Variants in LARGE1 observed in about 807,000 individuals in gnomAD.
The protein encoded by LARGE1 is xylosyl- and glucuronyltransferase LARGE1.
A neutral mutation model predicts 87.6 loss-of-function variants in LARGE1; 43 were observed. The ratio of observed to expected loss-of-function variants is 0.49; its 90% CI spans 0.38 to 0.63. The LOEUF (loss-of-function observed/expected upper bound fraction) is 0.63. Ranked by LOEUF, LARGE1 falls within the 30% of genes least tolerant of loss-of-function variation. The pLI, the probability that LARGE1 is intolerant of heterozygous loss-of-function variation, is 0.00. For missense variants in LARGE1, 802 were observed against 1,000.2 expected (o/e 0.80, Z 2.67); for synonymous variants, 434 against 394.6 (o/e 1.10, Z -1.18).
chr22:33,742,400 GA>G (rs967392975), intron 2 of LARGE1, among the ~76,000 whole-genome samples: 2 of 152,148 alleles, frequency 1.3e-5, no homozygotes, highest in Non-Finnish European at 1.5e-5. Flanking sequence ...TAAAGGAGGC[GA>G]TCACTCACTC....
chr22:33,761,107 G>T (rs774877903), intron 2 of LARGE1, among the ~76,000 whole-genome samples: 1 of 151,812 alleles, frequency 6.6e-6, no homozygotes, highest in Non-Finnish European at 1.5e-5. Flanking sequence ...TCCCATTATC[G>T]ACAAAGTAAT....
chr22:33,692,653 T>G (rs1479533579), intron 2 of LARGE1, among the ~76,000 whole-genome samples: 1 of 152,216 alleles, frequency 6.6e-6, no homozygotes, highest in Admixed American at 6.5e-5. Context: ...TGCTGATGCT[T>G]AAGGTTTTCA....
intron 1 of LARGE1, among the ~76,000 whole-genome samples, chr22:33,773,404 T>A (rs1285117148): frequency 6.6e-6 from 1 of 152,240 alleles, no homozygotes; most frequent in African/African-American, 2.4e-5. Context: ...TTGATCCTGC[T>A]GCGAAGTCAA....
intron 1 of LARGE1, among the ~76,000 whole-genome samples, chr22:33,838,873 A>G (rs1242630542): frequency 6.6e-6 from 1 of 152,084 alleles, no homozygotes; most frequent in South Asian, 2.1e-4. Context: ...TTTTTTGTTT[A>G]TATCAGGGAG....
chr22:33,755,377 T>A (rs760557435), intron 2 of LARGE1, among the ~76,000 whole-genome samples: 1 of 152,154 alleles, frequency 6.6e-6, no homozygotes, highest in Non-Finnish European at 1.5e-5. Context: ...TCCCTGACAA[T>A]GGGAAACCTT....
intron 11 of LARGE1, among the ~76,000 whole-genome samples, chr22:33,247,782 A>G (rs1926832963): frequency 6.6e-6 from 1 of 152,240 alleles, no homozygotes; most frequent in South Asian, 2.1e-4. Flanking sequence ...GCCCGGACAT[A>G]TATCTCAAGC....
At chr22:33,305,092 A>G (rs12158355) in intron 11 of LARGE1, among the ~76,000 whole-genome samples, 80,680 of 152,060 alleles carry the variant, frequency 0.53, 23,043 homozygotes, top group African/African-American at 0.75. Context: ...CGTATGTTCA[A>G]TCAGCTTGGC....
At chr22:33,799,611 T>A (rs2086097064) in intron 1 of LARGE1, among the ~76,000 whole-genome samples, 1 of 152,082 alleles carries the variant, frequency 6.6e-6, no homozygotes, top group African/African-American at 2.4e-5. Flanking sequence ...CGGCTAATTT[T>A]AAGTAGAGAC....
intron 6 of LARGE1, among the ~76,000 whole-genome samples, chr22:33,552,848 A>C (rs62227064): frequency 6.6e-6 from 1 of 152,172 alleles, no homozygotes; most frequent in Non-Finnish European, 1.5e-5. Context: ...ATGACAAAAC[A>C]CCTGCAAAAT....
At chr22:33,358,664 A>C (rs2064268790) in intron 9 of LARGE1, among the ~76,000 whole-genome samples, 1 of 152,010 alleles carries the variant, frequency 6.6e-6, no homozygotes, top group African/African-American at 2.4e-5. Context: ...TTATAAATGG[A>C]CTGGGGTCTA....
chr22:33,885,550 A>G (rs2064820258), intron 1 of LARGE1, among the ~76,000 whole-genome samples: 1 of 152,248 alleles, frequency 6.6e-6, no homozygotes, highest in Admixed American at 6.5e-5. Context: ...GAAGCTTGTT[A>G]ATGTGCTTTA....
At chr22:33,906,117 G>C (rs903089509) in intron 1 of LARGE1, among the ~76,000 whole-genome samples, 7 of 152,022 alleles carry the variant, frequency 4.6e-5, no homozygotes, top group Admixed American at 1.3e-4. Context: ...GCAACGGAGC[G>C]AGACTCTGTC....
At chr22:33,824,061 TATC>T (rs2062712485) in intron 1 of LARGE1, among the ~76,000 whole-genome samples, 2 of 152,222 alleles carry the variant, frequency 1.3e-5, no homozygotes, top group Admixed American at 1.3e-4. Flanking sequence ...CTGATATCAT[TATC>T]CTCATTTTAC....
chr22:33,696,956 A>G (rs369838954), intron 2 of LARGE1, among the ~76,000 whole-genome samples: 6 of 152,118 alleles, frequency 3.9e-5, no homozygotes, highest in African/African-American at 1.4e-4. Flanking sequence ...CTCATTTACA[A>G]TAGGATTGCC....
chr22:33,085,170 G>A, the LARGE1 span, among the ~76,000 whole-genome samples: 2 of 152,212 alleles, frequency 1.3e-5, no homozygotes, highest in Non-Finnish European at 2.9e-5. Context: ...CAGCTGCTCG[G>A]GAGGCTGAGG....
At chr22:33,569,407 A>G (rs578166931) in intron 5 of LARGE1, among the ~76,000 whole-genome samples, 8 of 152,324 alleles carry the variant, frequency 5.3e-5, no homozygotes, top group African/African-American at 1.9e-4. Flanking sequence ...TCTCAACATG[A>G]GCCCAGTCCT....
chr22:33,341,442 C>G (rs1939133367), intron 9 of LARGE1, among the ~76,000 whole-genome samples: 1 of 152,088 alleles, frequency 6.6e-6, no homozygotes, highest in African/African-American at 2.4e-5. Context: ...CTATGAGAGT[C>G]TGCAGCAGGG....
intron 6 of LARGE1, among the ~76,000 whole-genome samples, chr22:33,450,914 C>T (rs1328642968): frequency 2.6e-5 from 4 of 152,164 alleles, no homozygotes; most frequent in Admixed American, 2.0e-4. Context: ...CCATCACACA[C>T]ACAAGAGCCT....
intron 6 of LARGE1, among the ~76,000 whole-genome samples, chr22:33,450,112 A>C (rs1441156551): frequency 6.6e-6 from 1 of 151,884 alleles, no homozygotes; most frequent in Admixed American, 6.6e-5. Context: ...GAGTTTTGCC[A>C]TGTTGGCCAG....
Sources: gnomAD v4.1 joint callset for allele counts (sites outside exome capture counted in the v4.1 genomes callset) on GRCh38, gnomAD v4.1.1 for gene constraint, MANE v1.5 for transcripts, NCBI Gene and HGNC (gene_info 2026-07-23, HGNC 2026-07-21) for gene names.